FBXO33: variants seen among roughly 807,000 people sequenced by gnomAD.
FBXO33 encodes F-box protein 33, also known as F-box only protein 33.
Under a neutral mutation model 46.3 loss-of-function variants are expected in FBXO33, and 22 were observed. The observed-to-expected ratio is 0.48, with a 90% confidence interval of 0.34 to 0.68. The LOEUF (loss-of-function observed/expected upper bound fraction) is 0.68, where lower values mean the gene tolerates loss of function less well. Ranked by LOEUF, FBXO33 falls within the 30% of genes least tolerant of loss-of-function variation. FBXO33 has a pLI of 0.01. For missense variants in FBXO33, 692 were observed against 708.8 expected (o/e 0.98, Z 0.27); for synonymous variants, 337 against 291.3 (o/e 1.16, Z -1.60).
chr14:39,402,541 CTAAA>C (rs771926573), intron 1 of FBXO33, 30 bp from the exon 2 acceptor site: 2 of 1,126,082 alleles, frequency 1.8e-6, no homozygotes, highest in South Asian at 2.2e-5. Context: ...AAATGATTTG[CTAAA>C]TAATTTATAC....
intron 1 of FBXO33, among the ~76,000 whole-genome samples, chr14:39,408,486 T>C (rs904100116): frequency 3.3e-5 from 5 of 152,080 alleles, no homozygotes; most frequent in African/African-American, 1.2e-4. Context: ...TTTACCTTGA[T>C]AGATGGTTTG....
chr14:39,403,419 G>A (rs1366520364), intron 1 of FBXO33, among the ~76,000 whole-genome samples: 1 of 152,132 alleles, frequency 6.6e-6, no homozygotes, highest in African/African-American at 2.4e-5. Context: ...AACATGGCAA[G>A]ACCTTGTCTC....
intron 1 of FBXO33, among the ~76,000 whole-genome samples, chr14:39,417,970 A>C (rs1033379522): frequency 1.3e-4 from 20 of 152,236 alleles, no homozygotes; most frequent in African/African-American, 4.8e-4. Context: ...AACCATACAC[A>C]GACTGTTATC....
At chr14:39,406,016 T>A (rs1383863885) in intron 1 of FBXO33, among the ~76,000 whole-genome samples, 1 of 151,598 alleles carries the variant, frequency 6.6e-6, no homozygotes, top group Non-Finnish European at 1.5e-5. Flanking sequence ...AAAACTGTTC[T>A]TGTGAGAATG....
intron 1 of FBXO33, among the ~76,000 whole-genome samples, chr14:39,411,527 C>T (rs1156386082): frequency 4.0e-5 from 6 of 149,284 alleles, no homozygotes; most frequent in African/African-American, 1.2e-4. Flanking sequence ...CTTCCCCCCC[C>T]TTTTTTTTTC....
chr14:39,399,666 A>C lies in FBXO33; in HGVS notation c.1518T>G (p.Asp506Glu). ...DFDQGELADQ[D>E]VDPVHNLIEQ... Reference sequence around the variant, plus strand: ...CAATAAGGTTATGCACTGGATCTACATCCTGGTCGGCCAGTTCACCTTGGT... The same window carrying C: ...CAATAAGGTTATGCACTGGATCTACCTCCTGGTCGGCCAGTTCACCTTGGT... The change falls in exon 4 of 4, where the codon GAT becomes GAG. Residue 506 changes from aspartate (D) to glutamate (E), a missense_variant. This residue lies in a region of FBXO33 where 94 missense variants were observed against 91.9 expected (regional missense o/e 1.02). Coordinates refer to ENST00000298097, the MANE Select transcript of FBXO33 (RefSeq NM_203301.4). 1 of 1,614,130 alleles carries C rather than the reference A, an allele frequency of 6.2e-7. No homozygotes were observed. Among genetic ancestry groups the C allele is most frequent in the Non-Finnish European group, 8.5e-7 (1 of 1,180,020 alleles).
chr14:39,401,362 T>C lies in FBXO33; in HGVS notation c.1210A>G (p.Thr404Ala). 1 of 1,614,146 alleles carries C rather than the reference T, an allele frequency of 6.2e-7. No homozygotes were observed. Among genetic ancestry groups the C allele is most frequent in the East Asian group, 2.2e-5 (1 of 44,884 alleles). ...TCAACAATAGCCCCTGAAACACAAGTGATATAGCTATCAAAATGAATCCTC... is the reference window on the plus strand; with the variant it reads ...TCAACAATAGCCCCTGAAACACAAGCGATATAGCTATCAAAATGAATCCTC... ...LERIHFDSYI[T>A]CVSGAIVDLI... is the part of the protein sequence containing the mutation. The change falls in exon 3 of 4, where the codon ACT becomes GCT. Residue 404 changes from threonine to alanine, a missense_variant. Coordinates refer to ENST00000298097, the MANE Select transcript of FBXO33 (RefSeq NM_203301.4).
intron 1 of FBXO33, among the ~76,000 whole-genome samples, chr14:39,404,994 A>G (rs2075387359): frequency 6.6e-6 from 1 of 151,940 alleles, no homozygotes; most frequent in Non-Finnish European, 1.5e-5. Context: ...TAAAAATACA[A>G]AAAATTAGCC....
At chr14:39,414,893 A>AG (rs2075440337) in intron 1 of FBXO33, among the ~76,000 whole-genome samples, 1 of 152,100 alleles carries the variant, frequency 6.6e-6, no homozygotes, top group African/African-American at 2.4e-5. Context: ...TCCTGTGCTC[A>AG]AGTGATCTTC....
intron 1 of FBXO33, among the ~76,000 whole-genome samples, chr14:39,425,678 A>G (rs2075509375): frequency 6.6e-6 from 1 of 152,200 alleles, no homozygotes; most frequent in African/African-American, 2.4e-5. Flanking sequence ...GAACGGTCAT[A>G]GCCAAATCAA....
At position 39,432,376 on chromosome 14, in the gene FBXO33, C is replaced by G. The variant is rs28568594; in HGVS notation, c.-214G>C. The G allele has an allele frequency of 0.09, 27,462 of 304,334 alleles. 1,425 individuals carry two copies. The highest frequency in any genetic ancestry group is 0.18 in the South Asian group (1,149 of 6,366). 18.9% of individuals were successfully genotyped at this position (304,334 alleles called of 1,614,324 possible). Reference sequence around the variant, plus strand: ...CTTCAGCGGCCCGGAAGCCTCAAGGCGTACTGTAAGGAAAAGGCAGCCCTC... The same window carrying G: ...CTTCAGCGGCCCGGAAGCCTCAAGGGGTACTGTAAGGAAAAGGCAGCCCTC... On this transcript the variant is annotated 5_prime_UTR_variant, in exon 1 of 4. Coordinates refer to ENST00000298097, the MANE Select transcript of FBXO33 (RefSeq NM_203301.4).
chr14:39,415,245 CATGAT>C (rs2075442056), intron 1 of FBXO33, among the ~76,000 whole-genome samples: 1 of 152,064 alleles, frequency 6.6e-6, no homozygotes, highest in East Asian at 1.9e-4. Flanking sequence ...TGCCATTACC[CATGAT>C]CATGCCACTG....
rs1183876903 is a variant in FBXO33, at chr14:39,399,489, C to A, written c.*27G>T. On this transcript the variant is annotated 3_prime_UTR_variant, in exon 4 of 4. Coordinates refer to ENST00000298097, the MANE Select transcript of FBXO33 (RefSeq NM_203301.4). ...AATAGGACCCTACTTGCATATGTAA[C>A]CACAGGAATTCTACATTAAAAAAAA... 1.9e-6 allele frequency: 3 copies of A among 1,583,724 alleles called. No individual in the cohort carries two copies. The highest frequency in any genetic ancestry group is 1.7e-6 in the Non-Finnish European group (2 of 1,163,774).
chr14:39,419,209 C>T (rs1283973977), intron 1 of FBXO33, among the ~76,000 whole-genome samples: 3 of 152,250 alleles, frequency 2.0e-5, no homozygotes, highest in Non-Finnish European at 4.4e-5. Context: ...TGCTTTCATT[C>T]AAGTGATAGG....
At chr14:39,401,999 C>A in intron 2 of FBXO33, 138 bp from the exon 3 acceptor site, 1 of 652,696 alleles carries the variant, frequency 1.5e-6, no homozygotes. Context: ...CGATTCAACC[C>A]ACAGTAAATA....
At chr14:39,402,202 C>T (rs185226362) in intron 2 of FBXO33, among the ~76,000 whole-genome samples, 199 bp downstream of exon 2, 19 of 152,266 alleles carry the variant, frequency 1.2e-4, no homozygotes, top group Non-Finnish European at 2.4e-4. Context: ...TAATTATCCA[C>T]TAAGTTACTT....
intron 1 of FBXO33, among the ~76,000 whole-genome samples, chr14:39,415,119 C>T (rs1015451225): frequency 1.3e-5 from 2 of 152,132 alleles, no homozygotes; most frequent in African/African-American, 4.8e-5. Flanking sequence ...TCAAAGATTA[C>T]TGATAACAGA....
chr14:39,404,783 A>C (rs1340921821), intron 1 of FBXO33, among the ~76,000 whole-genome samples: 1 of 152,208 alleles, frequency 6.6e-6, no homozygotes, highest in African/African-American at 2.4e-5. Flanking sequence ...AGTGAACATG[A>C]AATGATGACG....
intron 1 of FBXO33, among the ~76,000 whole-genome samples, chr14:39,408,945 T>A (rs1231025488): frequency 6.6e-6 from 1 of 151,882 alleles, no homozygotes; most frequent in Non-Finnish European, 1.5e-5. Context: ...CCAGCTACTT[T>A]TTGTATTTTT....
Sources: gnomAD v4.1 joint callset for allele counts (sites outside exome capture counted in the v4.1 genomes callset) on GRCh38, gnomAD v4.1.1 for gene constraint, gnomAD v4.1.1 regional missense constraint, MANE v1.5 for transcripts, NCBI Gene and HGNC (gene_info 2026-07-23, HGNC 2026-07-21) for gene names.